Variants in SLC41A1 observed in about 807,000 individuals in gnomAD.
SLC41A1 encodes the protein solute carrier family 41 (magnesium transporter), member 1.
SLC41A1 carries 20 observed loss-of-function variants against 47.3 expected under a neutral mutation model. The ratio of observed to expected loss-of-function variants is 0.42; its 90% CI spans 0.30 to 0.61. The LOEUF (loss-of-function observed/expected upper bound fraction) is 0.61. Ranked by LOEUF, SLC41A1 falls within the 20% of genes least tolerant of loss-of-function variation. The pLI is 0.17. For synonymous variants in SLC41A1, 282 were observed against 272.7 expected (o/e 1.03, Z -0.34); for missense variants, 504 against 674.1 (o/e 0.75, Z 2.79).
Position 205,791,647 on chromosome 1 carries a change from G to A in SLC41A1, c.1428C>T (p.Asn476=), listed in dbSNP as rs767939856. 1 of 1,614,146 alleles carries A rather than the reference G, an allele frequency of 6.2e-7. No individual in the cohort carries two copies. Residue 476 remains asparagine, a synonymous_variant, in exon 11 of 11, where the codon AAC becomes AAT. Transcript: ENST00000367137. The surrounding 1 kb of genome is among the most constrained non-coding windows in gnomAD (Gnocchi z 4.0). The part of the protein sequence containing the change: ...WMWGRGLDPD[N]FSIPYLTALG... ...GAGCAGTCAAGTATGGGATGGAGAA[G>A]TTGTCCGGGTCCAGGCCCCGGCCCC...
At chr1:205,804,071 C>T (rs575351692) in intron 2 of SLC41A1, among the ~76,000 whole-genome samples, 11 of 152,170 alleles carry the variant, frequency 7.2e-5, no homozygotes, top group African/African-American at 1.2e-4. Context: ...GGTGAATATA[C>T]GTAGTACTAT....
rs1445233142 is a variant in SLC41A1, at chr1:205,796,994, G to A, written c.1002C>T (p.Gly334=). Residue 334 remains glycine, a synonymous_variant, in exon 8 of 11, where the codon GGC becomes GGT. Coordinates refer to ENST00000367137, the MANE Select transcript of SLC41A1 (RefSeq NM_173854.6). The part of the protein sequence containing the change: ...IIAMAISSVG[G]LILDKTVSDP... The stretch of plus-strand genomic sequence containing the variant: ...CTGAGACAGTCTTGTCCAAGATGAG[G>A]CCTCCCACACTATAGAGACATAAAG... The A allele has an allele frequency of 1.7e-5, 27 of 1,612,084 alleles. No individual in the cohort carries two copies. Among genetic ancestry groups the A allele is most frequent in the Non-Finnish European group, 2.1e-5 (25 of 1,179,466 alleles).
intron 8 of SLC41A1, chr1:205,796,722 G>A (rs1055527984): frequency 9.8e-6 from 6 of 614,728 alleles, no homozygotes; most frequent in South Asian, 5.7e-5. Flanking sequence ...CTAATCTCTC[G>A]GTGCCTCAAC....
In SLC41A1 at chr1:205,812,957, C is replaced by A; in HGVS notation, c.-796G>T. 1 of 985,794 alleles carries A rather than the reference C, an allele frequency of 1.0e-6. No homozygotes were observed. The highest frequency in any genetic ancestry group is 1.2e-6 in the Non-Finnish European group (1 of 830,214). The allele number at this position is 985,794 out of a possible 1,614,324, so 61.1% of individuals were successfully genotyped here. A position where few individuals can be genotyped will look rare whatever the true frequency, so the allele number is the denominator to read the frequency against. ...TGCCCCCCCACACCCCCAGCCAAGGCGAGCGTCCAGCCGCGACACCCGGCT... is the reference window on the plus strand; with the variant it reads ...TGCCCCCCCACACCCCCAGCCAAGGAGAGCGTCCAGCCGCGACACCCGGCT... On this transcript the variant is annotated 5_prime_UTR_variant, in exon 1 of 11. Coordinates refer to ENST00000367137, the MANE Select transcript of SLC41A1 (RefSeq NM_173854.6).
At position 205,794,972 on chromosome 1, in the gene SLC41A1, T is replaced by A. The variant is rs763592118; in HGVS notation, c.1254A>T (p.Pro418=). ...TGGTGTAGAGGAACACCAGGTGTCC[T>A]GGGACCACGAGGAGGAAGAGGACCC... is the stretch of plus-strand genomic sequence containing the variant. The part of the protein sequence containing the change: ...SARVLFLLVV[P]GHLVFLYTIS... The change falls in exon 10 of 11, where the codon CCA becomes CCT. Residue 418 remains proline (P), a synonymous_variant. Transcript: ENST00000367137. 1 of 1,614,048 alleles carries A rather than the reference T, an allele frequency of 6.2e-7. No homozygotes were observed. The highest frequency in any genetic ancestry group is 8.5e-7 in the Non-Finnish European group (1 of 1,180,010).
Position 205,791,442 on chromosome 1 carries a change from TG to T in SLC41A1, c.*90del. 1.4e-6 allele frequency: 2 copies of T among 1,434,074 alleles called. No individual in the cohort carries two copies. Among genetic ancestry groups the T allele is most frequent in the Non-Finnish European group, 1.9e-6 (2 of 1,026,070 alleles). 88.8% of individuals were successfully genotyped at this position (1,434,074 alleles called of 1,614,324 possible). A position where few individuals can be genotyped will look rare whatever the true frequency, so the allele number is the denominator to read the frequency against. The stretch of plus-strand genomic sequence containing the variant: ...ATCAAAGTGAAGTCCTAGAAAGAGG[TG>T]GGAGTGTGGGGTGGAGGAGGGACAG... On this transcript the variant is annotated 3_prime_UTR_variant, in exon 11 of 11. Transcript: ENST00000367137. The surrounding 1 kb of genome is among the most constrained non-coding windows in gnomAD (Gnocchi z 4.0).
chr1:205,801,881 C>CT (rs1655888955), intron 2 of SLC41A1, among the ~76,000 whole-genome samples: 1 of 152,192 alleles, frequency 6.6e-6, no homozygotes, highest in South Asian at 2.1e-4. Flanking sequence ...TTTTAATCAT[C>CT]TTAACAACCC....
Position 205,799,795 on chromosome 1 carries a change from G to A in SLC41A1, c.516C>T (p.Leu172=). Residue 172 remains leucine, a synonymous_variant, in exon 4 of 11, where the codon CTC becomes CTT. Transcript: ENST00000367137. The part of the protein sequence containing the change: ...NIGHMDTPKE[L]WRMITGNMAL... Reference sequence around the variant, plus strand: ...CCATGTTCCCAGTGATCATCCGCCAGAGCTCCTTGGGTGTGTCCATGTGTC... The same window carrying A: ...CCATGTTCCCAGTGATCATCCGCCAAAGCTCCTTGGGTGTGTCCATGTGTC... The A allele has an allele frequency of 6.2e-7, 1 of 1,614,134 alleles. No individual in the cohort carries two copies. Among genetic ancestry groups the A allele is most frequent in the South Asian group, 1.1e-5 (1 of 91,060 alleles).
chr1:205,806,366 G>A (rs1178176803), intron 2 of SLC41A1, among the ~76,000 whole-genome samples: 4 of 152,334 alleles, frequency 2.6e-5, no homozygotes, highest in East Asian at 1.9e-4. Flanking sequence ...CACTTTCATC[G>A]TTGTAGACTT....
intron 8 of SLC41A1, chr1:205,796,224 G>A (rs1400122895): frequency 1.9e-5 from 3 of 158,706 alleles, no homozygotes; most frequent in Non-Finnish European, 4.2e-5. Context: ...TTTCAGCATT[G>A]GCTTCCCCAT....
At chr1:205,793,028 G>C (rs1655659993) in intron 10 of SLC41A1, among the ~76,000 whole-genome samples, 1 of 151,698 alleles carries the variant, frequency 6.6e-6, no homozygotes, top group Non-Finnish European at 1.5e-5. Context: ...ATTCTCCCTT[G>C]CTCTGCACAC....
In SLC41A1 at chr1:205,797,921, AATG is replaced by A. The variant is rs1179544150; in HGVS notation, c.972_974del (p.Ile325del). 1 of 1,613,846 alleles carries A rather than the reference AATG, an allele frequency of 6.2e-7. No individual in the cohort carries two copies. Among genetic ancestry groups the A allele is most frequent in the Non-Finnish European group, 8.5e-7 (1 of 1,179,922 alleles). On this transcript the variant is annotated inframe_deletion, in exon 7 of 11. Coordinates refer to ENST00000367137, the MANE Select transcript of SLC41A1 (RefSeq NM_173854.6). ...CAGCCTACCTGCTGATGGCCATGGC[AATG>A]ATAACAGGCTCCCAGCCCGAGTACA...
At chr1:205,799,864 G>A (rs1480942890) in intron 3 of SLC41A1, 34 bp from the exon 4 acceptor site, 1 of 1,596,542 alleles carries the variant, frequency 6.3e-7, no homozygotes, top group Non-Finnish European at 8.6e-7. Context: ...TGGAGCTTCA[G>A]GCTGGAAAAG....
intron 1 of SLC41A1, 161 bp downstream of exon 1, chr1:205,812,647 C>CA (rs1656184902): frequency 1.5e-6 from 1 of 687,934 alleles, no homozygotes; most frequent in Admixed American, 6.3e-5. Context: ...CAGGCGGGGA[C>CA]AAAAAAGACC....
chr1:205,810,039 A>C lies in SLC41A1; in HGVS notation c.372+31T>G. 6.2e-7 allele frequency: 1 copy of C among 1,614,020 alleles called. No homozygotes were observed. Among genetic ancestry groups the C allele is most frequent in the Non-Finnish European group, 8.5e-7 (1 of 1,179,976 alleles). On this transcript the variant is annotated intron_variant, in intron 2 of 10. Coordinates refer to ENST00000367137, the MANE Select transcript of SLC41A1 (RefSeq NM_173854.6). This position sits in a 1 kb window ranked among gnomAD's most constrained non-coding sequence, Gnocchi z 5.5. ...AGCAGGCAAAGGTGGCCCTGGGCTCACAGTCAAGAGCTGCCCTACTCAGGT... is the reference window on the plus strand; with the variant it reads ...AGCAGGCAAAGGTGGCCCTGGGCTCCCAGTCAAGAGCTGCCCTACTCAGGT...
Position 205,798,964 on chromosome 1 carries a change from C to A in SLC41A1, c.690G>T (p.Leu230=). ...ATGCCCTCCCTTTCTTACCCAGTAC[C>A]AGGGAGGCAATGAAGGCTGTGGCCA... ...SSVATAFIAS[L]VLGMIMIGVI... is the part of the protein sequence containing the mutation. The change falls in exon 5 of 11, where the codon CTG becomes CTT. Residue 230 remains leucine, a synonymous_variant. Coordinates refer to ENST00000367137, the MANE Select transcript of SLC41A1 (RefSeq NM_173854.6). 1 of 1,614,066 alleles carries A rather than the reference C, an allele frequency of 6.2e-7. No homozygotes were observed.
chr1:205,807,293 G>A (rs79264427), intron 2 of SLC41A1, among the ~76,000 whole-genome samples: 1 of 152,180 alleles, frequency 6.6e-6, no homozygotes, highest in Non-Finnish European at 1.5e-5. Flanking sequence ...CCCAGCTGTA[G>A]CAGGAAGGCT....
intron 3 of SLC41A1, 126 bp downstream of exon 3, chr1:205,800,827 T>C (rs1205523811): frequency 1.3e-6 from 1 of 795,298 alleles, no homozygotes; most frequent in African/African-American, 1.7e-5. Context: ...AGGCCCTCCC[T>C]TCCCACCCCA....
At chr1:205,795,992 C>T (rs557615433) in intron 8 of SLC41A1, 9 of 230,690 alleles carry the variant, frequency 3.9e-5, no homozygotes, top group African/African-American at 9.1e-5. Context: ...CTGGTATCTC[C>T]GCCAGGACCT....
Sources: gnomAD v4.1 joint callset for allele counts (sites outside exome capture counted in the v4.1 genomes callset) on GRCh38, gnomAD v4.1.1 for gene constraint, Gnocchi (gnomAD v3.1) non-coding constraint, MANE v1.5 for transcripts, NCBI Gene and HGNC (gene_info 2026-07-23, HGNC 2026-07-21) for gene names.